The following XRN2 variants were observed in gnomAD, a reference collection of about 807,000 sequenced individuals.
The protein encoded by XRN2 is 5'-3' exoribonuclease 2.
Under a neutral mutation model 138.5 loss-of-function variants are expected in XRN2, and 44 were observed. The ratio of observed to expected loss-of-function variants is 0.32; its 90% CI spans 0.25 to 0.41. The LOEUF (loss-of-function observed/expected upper bound fraction) is 0.41. XRN2 is among the 10% of genes least tolerant of loss of function. The probability of loss-of-function intolerance (pLI) is 1.00; values close to 1 mark genes in which losing one functional copy is unlikely to be tolerated. For synonymous variants in XRN2, 354 were observed against 369.4 expected (o/e 0.96, Z 0.48); for missense variants, 937 against 1,169.3 (o/e 0.80, Z 2.90).
At chr20:21,357,118 T>G (rs553836015) in intron 23 of XRN2, among the ~76,000 whole-genome samples, 29 of 126,016 alleles carry the variant, frequency 2.3e-4, no homozygotes, top group African/African-American at 8.4e-4. Context: ...ATAAGAATGT[T>G]ATTTATGTTA....
Position 21,368,531 on chromosome 20 carries a change from A to G in XRN2, c.2525A>G (p.Gln842Arg). The change falls in exon 27 of 30, where the codon CAG (glutamine) becomes CGG (arginine). Residue 842 changes from glutamine to arginine, a missense_variant. Physicochemically the swap from Gln to Arg is conservative, Grantham distance 43. Transcript: ENST00000377191. ...SNAAPPPVTY[Q>R]GNLYRPLLRG... ...GCTGCACCACCACCTGTGACTTACC[A>G]GGGAAACTTATACAGGCCGCTTTTG... 1.2e-6 allele frequency: 2 copies of G among 1,614,098 alleles called. No individual in the cohort carries two copies. Among genetic ancestry groups the G allele is most frequent in the South Asian group, 1.1e-5 (1 of 91,084 alleles).
intron 26 of XRN2, among the ~76,000 whole-genome samples, chr20:21,366,593 T>C (rs1276582153): frequency 6.6e-6 from 1 of 150,588 alleles, no homozygotes; most frequent in Non-Finnish European, 1.5e-5. Flanking sequence ...AAGAAAATAC[T>C]GAGTTTGTTT....
chr20:21,376,099 A>G (rs2038819698), intron 27 of XRN2, among the ~76,000 whole-genome samples: 1 of 152,156 alleles, frequency 6.6e-6, no homozygotes, highest in South Asian at 2.1e-4. Flanking sequence ...CGGCCTCCCA[A>G]AGTGCTGGGA....
chr20:21,329,440 G>A (rs780617529), intron 4 of XRN2, among the ~76,000 whole-genome samples: 2 of 152,186 alleles, frequency 1.3e-5, no homozygotes, highest in Non-Finnish European at 2.9e-5. Flanking sequence ...GACCAGAAAA[G>A]CCACAGTGTC....
At chr20:21,344,906 C>T (rs2038416879) in intron 16 of XRN2, among the ~76,000 whole-genome samples, 2 of 152,122 alleles carry the variant, frequency 1.3e-5, no homozygotes, top group African/African-American at 2.4e-5. Context: ...ATAATTGTAG[C>T]TCATTAAGAA....
intron 28 of XRN2, 35 bp from the exon 29 acceptor site, chr20:21,386,833 G>A (rs756656250): frequency 1.9e-6 from 3 of 1,595,398 alleles, no homozygotes; most frequent in African/African-American, 2.7e-5. Flanking sequence ...TATAATAGGT[G>A]TGGCTTCTGA....
Position 21,356,082 on chromosome 20 carries a change from A to G in XRN2, c.2023A>G (p.Arg675Gly). The part of the protein sequence containing the change: ...VYPDLTPEET[R>G]RNSLGGDVLF... ...CTTATTCTTTTCTTTCTCCCTAGCC[A>G]GAAGAAACAGCCTTGGAGGTGATGT... The change falls in exon 22 of 30, where the codon AGA becomes GGA. Residue 675 changes from arginine (R) to glycine (G), a missense_variant and splice_region_variant. Arg to Gly is a moderately radical substitution (Grantham distance 125). Coordinates refer to ENST00000377191, the MANE Select transcript of XRN2 (RefSeq NM_012255.5). 1 of 1,607,534 alleles carries G rather than the reference A, an allele frequency of 6.2e-7. No individual in the cohort carries two copies. Among genetic ancestry groups the G allele is most frequent in the Non-Finnish European group, 8.5e-7 (1 of 1,177,070 alleles).
intron 1 of XRN2, among the ~76,000 whole-genome samples, chr20:21,322,946 C>A (rs2038067112): frequency 6.6e-6 from 1 of 152,210 alleles, no homozygotes; most frequent in Admixed American, 6.5e-5. Flanking sequence ...CAGGGCACTG[C>A]ACTGCCTTTC....
intron 24 of XRN2, among the ~76,000 whole-genome samples, chr20:21,359,370 A>G (rs1245918156): frequency 6.6e-6 from 1 of 152,036 alleles, no homozygotes; most frequent in East Asian, 1.9e-4. Context: ...CCCTATCTCT[A>G]CTAAAACTGC....
At position 21,330,204 on chromosome 20, in the gene XRN2, A is replaced by G. The variant is rs530904752; in HGVS notation, c.428-277A>G. On this transcript the variant is annotated intron_variant, in intron 4 of 29. Transcript: ENST00000377191. ...AGGCTGAGACAGGAGAATCGCTTGAACCCCGGAAGGCGGAGGTTGCAGTGA... is the reference window on the plus strand; with the variant it reads ...AGGCTGAGACAGGAGAATCGCTTGAGCCCCGGAAGGCGGAGGTTGCAGTGA... Among the ~76,000 whole-genome samples, 390 of 151,722 alleles carry G rather than the reference A, an allele frequency of 2.6e-3. 4 individuals are homozygous for G. Among genetic ancestry groups the G allele is most frequent in the African/African-American group, 8.9e-3 (366 of 41,340 alleles).
Position 21,348,184 on chromosome 20 carries a change from T to C in XRN2, c.1704T>C (p.Tyr568=). Residue 568 remains tyrosine (Y), a synonymous_variant, in exon 18 of 30, where the codon TAT becomes TAC. Coordinates refer to ENST00000377191, the MANE Select transcript of XRN2 (RefSeq NM_012255.5). ...ASWKWYYPFH[Y]APFASDFEGI... is the part of the protein sequence containing the mutation. ...GGAAGTGGTATTATCCATTTCATTA[T>C]GCACCATTTGCTTCAGACTTTGAAG... is the stretch of plus-strand genomic sequence containing the variant. 2 of 1,614,040 alleles carry C rather than the reference T, an allele frequency of 1.2e-6. No individual in the cohort carries two copies. The highest frequency in any genetic ancestry group is 1.3e-5 in the African/African-American group (1 of 75,048).
chr20:21,367,642 T>C (rs563035090), intron 26 of XRN2, among the ~76,000 whole-genome samples: 2 of 152,246 alleles, frequency 1.3e-5, no homozygotes, highest in East Asian at 3.9e-4. Context: ...TATGAAGTTA[T>C]GAGAATTAAG....
chr20:21,346,362 C>T, intron 16 of XRN2, 53 bp from the exon 17 acceptor site: 29 of 1,600,454 alleles, frequency 1.8e-5, no homozygotes, highest in Non-Finnish European at 2.5e-5. Flanking sequence ...TAGTAGACAG[C>T]CTGTTACTGA....
intron 20 of XRN2, among the ~76,000 whole-genome samples, chr20:21,350,548 AAAAAAG>A (rs2038496231): frequency 6.6e-6 from 1 of 150,872 alleles, no homozygotes; most frequent in Non-Finnish European, 1.5e-5. Flanking sequence ...AAAAAAAAAA[AAAAAAG>A]AAATATCTCT....
Position 21,344,477 on chromosome 20 carries a change from G to C in XRN2, c.1529+269G>C, listed in dbSNP as rs573566542. ...CCCTCTGAGACCAGGCACAAGATCG[G>C]CTAGATATCATATCTAGGTGTTTAG... On this transcript the variant is annotated intron_variant, in intron 16 of 29. Coordinates refer to ENST00000377191, the MANE Select transcript of XRN2 (RefSeq NM_012255.5). Among the ~76,000 whole-genome samples the C allele has an allele frequency of 4.9e-4, 75 of 152,220 alleles. No individual in the cohort carries two copies. In the South Asian group the frequency reaches 0.012, roughly 24 times the overall value.
chr20:21,362,463 C>A (rs568272296), intron 24 of XRN2, among the ~76,000 whole-genome samples: 11 of 152,274 alleles, frequency 7.2e-5, no homozygotes, highest in Non-Finnish European at 1.0e-4. Context: ...TCCAGCCTTA[C>A]CATTTCATTT....
At chr20:21,322,185 C>T (rs1265427222) in intron 1 of XRN2, among the ~76,000 whole-genome samples, 1 of 152,184 alleles carries the variant, frequency 6.6e-6, no homozygotes, top group Non-Finnish European at 1.5e-5. Flanking sequence ...TGTAACAGTG[C>T]TTATCACGTT....
rs374818979 is a variant in XRN2 at position 21,333,760 on chromosome 20, G to A, written c.990G>A (p.Arg330=). The A allele has an allele frequency of 6.2e-7, 1 of 1,614,012 alleles. No homozygotes were observed. The highest frequency in any genetic ancestry group is 1.3e-5 in the African/African-American group (1 of 74,926). The change falls in exon 11 of 30, where the codon AGG becomes AGA. Residue 330 remains arginine (R), a synonymous_variant. Coordinates refer to ENST00000377191, the MANE Select transcript of XRN2 (RefSeq NM_012255.5). ...ASLPFTFDVE[R]SIDDWVFMCF... ...TACCATTCACATTTGATGTTGAGAGGAGCATTGATGACTGGGTTTTCATGT... is the reference window on the plus strand; with the variant it reads ...TACCATTCACATTTGATGTTGAGAGAAGCATTGATGACTGGGTTTTCATGT...
intron 24 of XRN2, among the ~76,000 whole-genome samples, chr20:21,358,767 T>G (rs188307896): frequency 1.3e-5 from 2 of 151,488 alleles, no homozygotes; most frequent in Non-Finnish European, 2.9e-5. Flanking sequence ...TTACGTATAA[T>G]TTTTTGTTTA....
Sources: gnomAD v4.1 joint callset for allele counts (sites outside exome capture counted in the v4.1 genomes callset) on GRCh38, gnomAD v4.1.1 for gene constraint, MANE v1.5 for transcripts, NCBI Gene and HGNC (gene_info 2026-07-23, HGNC 2026-07-21) for gene names.